The following PCDHGA10 variants were observed in gnomAD, a reference collection of about 807,000 sequenced individuals.
The protein encoded by PCDHGA10 is protocadherin gamma subfamily A, 10.
Under a neutral mutation model 59.5 loss-of-function variants are expected in PCDHGA10, and 42 were observed. That is an observed-to-expected ratio of 0.71 (90% CI 0.55 to 0.91). PCDHGA10 has a LOEUF of 0.91. Among genes scored for constraint, PCDHGA10 ranks in the 40% least tolerant of loss-of-function variants. The pLI, the probability that PCDHGA10 is intolerant of heterozygous loss-of-function variation, is 0.00. For synonymous variants in PCDHGA10, 511 were observed against 517.2 expected, an observed-to-expected ratio of 0.99 and a Z score of 0.16; for missense variants, 1,111 against 1,198.2, an observed-to-expected ratio of 0.93 and a Z score of 1.07.
chr5:141,451,806 A>G (rs145650418), intron 1 of PCDHGA10, among the ~76,000 whole-genome samples: 6,855 of 150,824 alleles, frequency 0.045, 259 homozygotes, highest in African/African-American at 0.1. Context: ...GCTTGAACCC[A>G]GGAGGCGGAG....
At chr5:141,427,059 G>C (rs751016646) in intron 1 of PCDHGA10, 1 of 457,744 alleles carries the variant, frequency 2.2e-6, no homozygotes, top group South Asian at 1.5e-5. Context: ...AGGCACCTCT[G>C]TACTAAAGGT....
At chr5:141,423,773 T>A in intron 1 of PCDHGA10, 6 of 901,238 alleles carry the variant, frequency 6.7e-6, no homozygotes, top group Non-Finnish European at 7.3e-6. Flanking sequence ...GGGCGGCATA[T>A]ATTTAGTTCA....
chr5:141,458,421 G>T (rs1294502132), intron 1 of PCDHGA10, among the ~76,000 whole-genome samples: 1 of 152,114 alleles, frequency 6.6e-6, no homozygotes, highest in African/African-American at 2.4e-5. Context: ...GGGTTCCAAA[G>T]CTGAAAGAGG....
intron 1 of PCDHGA10, among the ~76,000 whole-genome samples, chr5:141,425,219 G>T (rs779272038): frequency 2.0e-5 from 3 of 152,148 alleles, no homozygotes; most frequent in Non-Finnish European, 2.9e-5. Context: ...ATTGTACTTT[G>T]ACTGGAATTA....
In PCDHGA10 at chr5:141,415,024, G is replaced by A. The variant is rs1272655664; in HGVS notation, c.1849G>A (p.Glu617Lys). The change falls in exon 1 of 4, where the codon GAG becomes AAG. Residue 617 changes from glutamate (E) to lysine (K), a missense_variant. Coordinates refer to ENST00000398610, the MANE Select transcript of PCDHGA10 (RefSeq NM_018913.3). ...GTCCTACCGTCTGCTCAAGGCCAGC[G>A]AGCCGGGACTCTTCGCGGTGGGGGA... ...WLSYRLLKAS[E>K]PGLFAVGEHT... 4.3e-6 allele frequency: 7 copies of A among 1,613,450 alleles called. 1 individual carries two copies. The highest frequency in any genetic ancestry group is 3.3e-5 in the Admixed American group (2 of 60,002).
rs560662076 is a variant in PCDHGA10, at chr5:141,498,856, C to A, written c.2495+3991C>A. Among the ~76,000 whole-genome samples, 72 of 152,004 alleles carry A rather than the reference C, an allele frequency of 4.7e-4. 2 individuals carry two copies. Among genetic ancestry groups the A allele is most frequent in the African/African-American group, 1.7e-3 (69 of 41,430 alleles). ...GCTGAGGCAGGGGAATCGCTTGAACCCAGGAGGCGGAGGTTGCAGTGAGCT... is the reference window on the plus strand; with the variant it reads ...GCTGAGGCAGGGGAATCGCTTGAACACAGGAGGCGGAGGTTGCAGTGAGCT... On this transcript the variant is annotated intron_variant, in intron 2 of 3. Coordinates refer to ENST00000398610, the MANE Select transcript of PCDHGA10 (RefSeq NM_018913.3).
intron 1 of PCDHGA10, chr5:141,418,770 A>G: frequency 6.2e-7 from 1 of 1,613,892 alleles, no homozygotes; most frequent in Non-Finnish European, 8.5e-7. Context: ...ATTCTAACTC[A>G]GCAGCCTTTG....
At chr5:141,422,849 C>G in intron 1 of PCDHGA10, 1 of 1,614,238 alleles carries the variant, frequency 6.2e-7, no homozygotes, top group East Asian at 2.2e-5. Flanking sequence ...AGCGGGGACC[C>G]GCCCCTCAGC....
chr5:141,437,664 A>G (rs10035418), intron 1 of PCDHGA10, among the ~76,000 whole-genome samples: 45,525 of 151,942 alleles, frequency 0.3, 8,040 homozygotes, highest in African/African-American at 0.5. Context: ...AGTTTCGAAG[A>G]GATGTTGATC....
chr5:141,415,086 G>A lies in PCDHGA10; in HGVS notation c.1911G>A (p.Leu637=), dbSNP rs769093571. ...AGGTGCGCACGGCGCGAGCCCTGCT[G>A]GACAGAGACGCGCTCAAGCAAAGCC... ...TGEVRTARAL[L]DRDALKQSLV... Residue 637 remains leucine, a synonymous_variant, in exon 1 of 4, where the codon CTG becomes CTA. Transcript: ENST00000398610. 3.1e-6 allele frequency: 5 copies of A among 1,613,554 alleles called. No individual in the cohort carries two copies. The highest frequency in any genetic ancestry group is 1.1e-5 in the South Asian group (1 of 91,068).
At chr5:141,427,198 T>G (rs1345851173) in intron 1 of PCDHGA10, 1 of 456,584 alleles carries the variant, frequency 2.2e-6, no homozygotes, top group African/African-American at 2.0e-5. Flanking sequence ...AAAGACTTAA[T>G]AGACTTCGAA....
chr5:141,496,225 G>C (rs112222482), intron 2 of PCDHGA10, among the ~76,000 whole-genome samples: 178 of 152,276 alleles, frequency 1.2e-3, no homozygotes, highest in Non-Finnish European at 1.8e-3. Context: ...TGCTGAGACA[G>C]GAACCCCCTG....
rs769351399 is a variant in PCDHGA10, at chr5:141,432,649, A to G, written c.2436+17038A>G. The G allele has an allele frequency of 6.2e-7, 1 of 1,613,742 alleles. No homozygotes were observed. The highest frequency in any genetic ancestry group is 1.1e-5 in the South Asian group (1 of 91,054). ...ACACGGGCGAGGTGCGCACGGCGCG[A>G]GCCCTGCTGGACAGAGACGCGCTCA... is the stretch of plus-strand genomic sequence containing the variant. On this transcript the variant is annotated intron_variant, in intron 1 of 3. Coordinates refer to ENST00000398610, the MANE Select transcript of PCDHGA10 (RefSeq NM_018913.3). The surrounding 1 kb of genome is among the most constrained non-coding windows in gnomAD (Gnocchi z 6.0).
intron 3 of PCDHGA10, among the ~76,000 whole-genome samples, chr5:141,508,646 G>A (rs1434098773): frequency 2.6e-5 from 4 of 152,014 alleles, no homozygotes; most frequent in African/African-American, 9.7e-5. Flanking sequence ...ACTCCGTCAG[G>A]CCCTTCCTGT....
At chr5:141,426,423 G>T in intron 1 of PCDHGA10, 1 of 290,954 alleles carries the variant, frequency 3.4e-6, no homozygotes, top group Non-Finnish European at 6.8e-6. Context: ...AGGGCTCCGT[G>T]GTGGGGAACC....
At chr5:141,424,540 T>G (rs944656560) in intron 1 of PCDHGA10, 1 of 152,244 alleles carries the variant, frequency 6.6e-6, no homozygotes, top group Admixed American at 6.5e-5. Flanking sequence ...TAGAAATAAC[T>G]TGATTTTGAT....
At chr5:141,444,783 C>A (rs551686741) in intron 1 of PCDHGA10, among the ~76,000 whole-genome samples, 2 of 152,100 alleles carry the variant, frequency 1.3e-5, no homozygotes, top group Non-Finnish European at 2.9e-5. Context: ...GATCATGTTT[C>A]ATTTGTCTAT....
rs141959335 is a variant in PCDHGA10, at chr5:141,491,261, T to C, written c.2437-3546T>C. On this transcript the variant is annotated intron_variant, in intron 1 of 3. Transcript: ENST00000398610. This position sits in a 1 kb window ranked among gnomAD's most constrained non-coding sequence, Gnocchi z 6.9. Reference sequence around the variant, plus strand: ...CTGGAGGATGAGGACCCTGAGGAAATGCCCAAATCCAGTGACTTCCTCATA... The same window carrying C: ...CTGGAGGATGAGGACCCTGAGGAAACGCCCAAATCCAGTGACTTCCTCATA... 104 of 1,614,044 alleles carry C rather than the reference T, an allele frequency of 6.4e-5. No individual in the cohort carries two copies. Among genetic ancestry groups the C allele is most frequent in the Non-Finnish European group, 8.1e-5 (95 of 1,180,028 alleles).
intron 1 of PCDHGA10, 108 bp from the exon 2 acceptor site, chr5:141,494,699 T>G: frequency 6.3e-7 from 1 of 1,592,240 alleles, no homozygotes; most frequent in East Asian, 2.3e-5. Context: ...GTCCGTTTTC[T>G]TCTCTGTGCC....
Sources: gnomAD v4.1 joint callset for allele counts (sites outside exome capture counted in the v4.1 genomes callset) on GRCh38, gnomAD v4.1.1 for gene constraint, Gnocchi (gnomAD v3.1) non-coding constraint, MANE v1.5 for transcripts, NCBI Gene and HGNC (gene_info 2026-07-23, HGNC 2026-07-21) for gene names.